BICC1: variants seen among roughly 807,000 people sequenced by gnomAD.
The protein encoded by BICC1 is protein bicaudal C homolog 1.
In BICC1, 43 loss-of-function variants were observed where a neutral mutation model predicts 111.0. The ratio of observed to expected loss-of-function variants is 0.39; its 90% CI spans 0.30 to 0.50. The LOEUF is 0.50. Among genes scored for constraint, BICC1 ranks in the 20% least tolerant of loss-of-function variants. The pLI is 0.88. For synonymous variants in BICC1, 467 were observed against 434.4 expected (o/e 1.07, Z -0.93); for missense variants, 1,091 against 1,203.2 (o/e 0.91, Z 1.38).
chr10:58,598,199 A>G (rs1279721546), intron 1 of BICC1, among the ~76,000 whole-genome samples: 1 of 152,164 alleles, frequency 6.6e-6, no homozygotes, highest in Non-Finnish European at 1.5e-5. Context: ...TGCATAGCCA[A>G]GACAGTCCTG....
At position 58,675,621 on chromosome 10, in the gene BICC1, C is replaced by T. The variant is rs116427003; in HGVS notation, c.238-26453C>T. ...ATGGCTGCCAGTGGGGTGGAGGAAA[C>T]GGTGAAATTTGGGTCAAAGGGTACA... is the stretch of plus-strand genomic sequence containing the variant. On this transcript the variant is annotated intron_variant, in intron 2 of 20. Transcript: ENST00000373886. Among the ~76,000 whole-genome samples the T allele has an allele frequency of 1.1e-3, 172 of 152,052 alleles. 1 individual carries two copies. The highest frequency in any genetic ancestry group is 1.3e-3 in the Non-Finnish European group (91 of 67,984).
rs114617441 is a variant in BICC1, at chr10:58,588,801, C to T, written c.191-32054C>T. Among the ~76,000 whole-genome samples, 358 of 152,314 alleles carry T rather than the reference C, an allele frequency of 2.4e-3. 1 individual carries two copies. Among genetic ancestry groups the T allele is most frequent in the African/African-American group, 7.7e-3 (319 of 41,556 alleles). ...GCCAGGCCCCAGGCTAAGCACACTG[C>T]GTGAAGGAGCACATTTGATTTTCAT... is the stretch of plus-strand genomic sequence containing the variant. On this transcript the variant is annotated intron_variant, in intron 1 of 20. Transcript: ENST00000373886.
chr10:58,566,362 A>T (rs1298750461), intron 1 of BICC1, among the ~76,000 whole-genome samples: 1 of 152,052 alleles, frequency 6.6e-6, no homozygotes, highest in South Asian at 2.1e-4. Context: ...ATATATACAC[A>T]CACATATATG....
intron 1 of BICC1, among the ~76,000 whole-genome samples, chr10:58,612,536 T>A (rs1452316507): frequency 6.6e-6 from 1 of 152,038 alleles, no homozygotes; most frequent in East Asian, 1.9e-4. Flanking sequence ...TGAATAATTG[T>A]TTATCTTTCA....
Position 58,794,489 on chromosome 10 carries a change from G to C in BICC1, c.1179+874G>C, listed in dbSNP as rs558886070. On this transcript the variant is annotated intron_variant, in intron 9 of 20. Coordinates refer to ENST00000373886, the MANE Select transcript of BICC1 (RefSeq NM_001080512.3). ...GCTGGAGTACAGTGGTGTGATCGTG[G>C]CTTACTGCAGCCTCGACTTCCTGAG... 9.9e-5 allele frequency among the ~76,000 whole-genome samples: 15 copies of C among 151,820 alleles called. No homozygotes were observed. The East Asian group carries it at 2.7e-3, about 28-fold the overall frequency.
chr10:58,583,598 G>C lies in BICC1; in HGVS notation c.191-37257G>C, dbSNP rs1223011590. On this transcript the variant is annotated intron_variant, in intron 1 of 20. Transcript: ENST00000373886. ...ATTCTCTCTCTCTGTGTGTGTGTGT[G>C]TGTGTGTGTGTGTGTGTGTGTGTGT... 3.8e-3 allele frequency among the ~76,000 whole-genome samples: 577 copies of C among 151,156 alleles called. 2 individuals carry two copies. Among genetic ancestry groups the C allele is most frequent in the South Asian group, 0.017 (80 of 4,764 alleles).
intron 1 of BICC1, among the ~76,000 whole-genome samples, chr10:58,571,437 C>T (rs894973861): frequency 2.0e-5 from 3 of 152,098 alleles, no homozygotes; most frequent in Non-Finnish European, 2.9e-5. Flanking sequence ...TCCCATCACC[C>T]AGGTATTAAT....
In BICC1 at chr10:58,732,417, A is replaced by G. The variant is rs1339611004; in HGVS notation, c.307+30274A>G. ...TATATATATATATATATATATATAT[A>G]TATATATATATATATATATATATAC... On this transcript the variant is annotated intron_variant, in intron 3 of 20. Transcript: ENST00000373886. Among the ~76,000 whole-genome samples, 31 of 28,316 alleles carry G rather than the reference A, an allele frequency of 1.1e-3. 2 individuals are homozygous for G. The highest frequency in any genetic ancestry group is 2.3e-3 in the African/African-American group (25 of 10,922). 18.6% of individuals were successfully genotyped at this position (28,316 alleles called of 152,430 possible). A position where few individuals can be genotyped will look rare whatever the true frequency, so the allele number is the denominator to read the frequency against.
intron 1 of BICC1, among the ~76,000 whole-genome samples, chr10:58,609,329 T>C (rs1345933570): frequency 6.6e-6 from 1 of 152,258 alleles, no homozygotes; most frequent in Non-Finnish European, 1.5e-5. Flanking sequence ...TTCAAGCTAC[T>C]GACTCTTACT....
intron 1 of BICC1, among the ~76,000 whole-genome samples, chr10:58,618,121 G>A (rs1481256235): frequency 6.6e-6 from 1 of 152,096 alleles, no homozygotes; most frequent in Non-Finnish European, 1.5e-5. Flanking sequence ...TAGAGCCTAT[G>A]TGTAAGGTCT....
At chr10:58,813,217 C>G (rs1843968164) in intron 17 of BICC1, among the ~76,000 whole-genome samples, 1 of 152,046 alleles carries the variant, frequency 6.6e-6, no homozygotes, top group Non-Finnish European at 1.5e-5. Context: ...TAAATAAATA[C>G]AAAGATGAAT....
intron 2 of BICC1, among the ~76,000 whole-genome samples, chr10:58,674,063 C>T (rs1230885330): frequency 6.6e-6 from 1 of 152,194 alleles, no homozygotes; most frequent in Non-Finnish European, 1.5e-5. Flanking sequence ...AATCATTTAG[C>T]TACCAACATT....
intron 18 of BICC1, among the ~76,000 whole-genome samples, chr10:58,815,196 TCAGTAA>T (rs1844050269): frequency 6.6e-6 from 1 of 152,174 alleles, no homozygotes; most frequent in Non-Finnish European, 1.5e-5. Flanking sequence ...TGGTAGACAC[TCAGTAA>T]CAGTCAGTTG....
At chr10:58,775,775 A>G (rs1842734203) in intron 3 of BICC1, among the ~76,000 whole-genome samples, 1 of 152,162 alleles carries the variant, frequency 6.6e-6, no homozygotes, top group Non-Finnish European at 1.5e-5. Context: ...GTAGAGTGAG[A>G]AGAAGGCAGA....
At chr10:58,778,580 T>C (rs992513363) in intron 3 of BICC1, among the ~76,000 whole-genome samples, 16 of 152,156 alleles carry the variant, frequency 1.1e-4, no homozygotes, top group Non-Finnish European at 1.5e-4. Flanking sequence ...ATCCACATCG[T>C]CTTCACATTG....
At position 58,567,147 on chromosome 10, in the gene BICC1, A is replaced by T. The variant is rs147207883; in HGVS notation, c.191-53708A>T. ...AGGCCATGTCTCTTGTGCCTTAGGA[A>T]AGGTGGGGAAAAAGTGTTTTAAAAT... On this transcript the variant is annotated intron_variant, in intron 1 of 20. Coordinates refer to ENST00000373886, the MANE Select transcript of BICC1 (RefSeq NM_001080512.3). 3.3e-5 allele frequency among the ~76,000 whole-genome samples: 5 copies of T among 152,270 alleles called. No individual in the cohort carries two copies. In the East Asian group the frequency reaches 9.7e-4, roughly 29 times the overall value.
At chr10:58,768,887 A>G (rs569186593) in intron 3 of BICC1, among the ~76,000 whole-genome samples, 4 of 152,250 alleles carry the variant, frequency 2.6e-5, no homozygotes, top group African/African-American at 9.6e-5. Flanking sequence ...ATAAAGAAAC[A>G]AAACAACTGC....
intron 1 of BICC1, among the ~76,000 whole-genome samples, chr10:58,599,397 A>G (rs1240380965): frequency 6.6e-6 from 1 of 152,174 alleles, no homozygotes; most frequent in African/African-American, 2.4e-5. Context: ...AACTATCACA[A>G]GAACAGAAAA....
Position 58,664,319 on chromosome 10 carries a change from G to A in BICC1, c.238-37755G>A, listed in dbSNP as rs948553618. On this transcript the variant is annotated intron_variant, in intron 2 of 20. Transcript: ENST00000373886. The stretch of plus-strand genomic sequence containing the variant: ...TTGCATTTCTCTGAGAACCAATATC[G>A]AGCATTTTTTAATGTGCTTAATCAT... Among the ~76,000 whole-genome samples the A allele has an allele frequency of 9.9e-5, 15 of 152,202 alleles. No homozygotes were observed. In the East Asian group the frequency reaches 2.9e-3, roughly 29 times the overall value.
Sources: allele counts gnomAD v4.1 joint callset (sites outside exome capture counted in the v4.1 genomes callset), GRCh38; gene constraint gnomAD v4.1.1; transcripts MANE v1.5; gene names NCBI Gene and HGNC (gene_info 2026-07-23, HGNC 2026-07-21).